Variants in HS6ST3 observed in about 807,000 individuals in gnomAD.
HS6ST3 encodes the protein heparan sulfate 6-O-sulfotransferase 3.
In HS6ST3, 12 loss-of-function variants were observed where a neutral mutation model predicts 36.7. That is an observed-to-expected ratio of 0.33 (90% CI 0.21 to 0.53). HS6ST3 has a LOEUF of 0.53. Ranked by LOEUF, HS6ST3 falls within the 20% of genes least tolerant of loss-of-function variation. The pLI, the probability that HS6ST3 is intolerant of heterozygous loss-of-function variation, is 0.95. For synonymous variants in HS6ST3, 240 were observed against 257.5 expected, an observed-to-expected ratio of 0.93 and a Z score of 0.65; for missense variants, 584 against 640.9, an observed-to-expected ratio of 0.91 and a Z score of 0.96.
intron 1 of HS6ST3, among the ~76,000 whole-genome samples, chr13:96,744,776 T>G (rs1024325733): frequency 2.6e-5 from 4 of 152,116 alleles, no homozygotes; most frequent in African/African-American, 9.7e-5. Context: ...TGACCAGATT[T>G]TCCCATCAAA....
chr13:96,613,887 A>T (rs2056464296), intron 1 of HS6ST3, among the ~76,000 whole-genome samples: 1 of 152,228 alleles, frequency 6.6e-6, no homozygotes, highest in Non-Finnish European at 1.5e-5. Context: ...AATGTTAAGC[A>T]TCTATTGATC....
chr13:96,641,053 T>C (rs1207158379), intron 1 of HS6ST3, among the ~76,000 whole-genome samples: 6 of 151,984 alleles, frequency 3.9e-5, no homozygotes. Context: ...TGGTTCTATA[T>C]GAATTTTAGA....
intron 1 of HS6ST3, among the ~76,000 whole-genome samples, chr13:96,418,598 C>G (rs540694844): frequency 7.2e-5 from 11 of 152,250 alleles, no homozygotes; most frequent in African/African-American, 2.4e-4. Context: ...CTGCCTATAA[C>G]CTGGTAGGTG....
intron 1 of HS6ST3, among the ~76,000 whole-genome samples, chr13:96,643,570 G>C (rs1462918544): frequency 6.6e-6 from 1 of 151,876 alleles, no homozygotes; most frequent in Non-Finnish European, 1.5e-5. Context: ...TTGTGTGTGT[G>C]TGTGCACAAA....
chr13:96,236,512 G>C (rs929512835), intron 1 of HS6ST3, among the ~76,000 whole-genome samples: 3 of 151,940 alleles, frequency 2.0e-5, no homozygotes, highest in African/African-American at 7.3e-5. Context: ...ACTCAGCTTA[G>C]ACTCCATAGT....
intron 1 of HS6ST3, among the ~76,000 whole-genome samples, chr13:96,212,850 A>G (rs2054405600): frequency 6.6e-6 from 1 of 152,172 alleles, no homozygotes; most frequent in South Asian, 2.1e-4. Context: ...CAGACTCTAC[A>G]TGTTCAAATA....
chr13:96,804,021 T>A (rs1163550659), intron 1 of HS6ST3, among the ~76,000 whole-genome samples: 1 of 152,082 alleles, frequency 6.6e-6, no homozygotes, highest in Non-Finnish European at 1.5e-5. Flanking sequence ...TCCTTCTGAC[T>A]CTGGTTGGAC....
chr13:96,276,193 A>G (rs981220427), intron 1 of HS6ST3, among the ~76,000 whole-genome samples: 3 of 152,040 alleles, frequency 2.0e-5, no homozygotes, highest in African/African-American at 4.8e-5. Context: ...TAAATTTACT[A>G]TCCCGCTTGT....
At chr13:96,601,606 G>C (rs1400316638) in intron 1 of HS6ST3, among the ~76,000 whole-genome samples, 1 of 151,998 alleles carries the variant, frequency 6.6e-6, no homozygotes. Flanking sequence ...ACTTTGTCTG[G>C]TATATCAAAG....
intron 1 of HS6ST3, among the ~76,000 whole-genome samples, chr13:96,765,248 A>G (rs1877075707): frequency 6.6e-6 from 1 of 151,140 alleles, no homozygotes; most frequent in South Asian, 2.1e-4. Context: ...AATTTTTTGT[A>G]TTTTTAGTAG....
At chr13:96,188,099 G>A (rs893154106) in intron 1 of HS6ST3, among the ~76,000 whole-genome samples, 3 of 152,094 alleles carry the variant, frequency 2.0e-5, no homozygotes, top group African/African-American at 7.2e-5. Flanking sequence ...CCAGGTCATG[G>A]GAGTGTTGTT....
intron 1 of HS6ST3, among the ~76,000 whole-genome samples, chr13:96,416,959 C>A (rs2055536536): frequency 6.6e-6 from 1 of 152,016 alleles, no homozygotes; most frequent in Admixed American, 6.6e-5. Flanking sequence ...ACCATGTTAG[C>A]CAGGATGGTC....
At chr13:96,252,409 T>G (rs2054611819) in intron 1 of HS6ST3, among the ~76,000 whole-genome samples, 1 of 152,200 alleles carries the variant, frequency 6.6e-6, no homozygotes, top group South Asian at 2.1e-4. Flanking sequence ...CTTCGACCTT[T>G]TCTATGGATT....
chr13:96,792,161 A>G (rs533376395), intron 1 of HS6ST3, among the ~76,000 whole-genome samples: 1 of 152,144 alleles, frequency 6.6e-6, no homozygotes, highest in African/African-American at 2.4e-5. Context: ...CTGGACAAGG[A>G]GATTGTTTTC....
intron 1 of HS6ST3, among the ~76,000 whole-genome samples, chr13:96,371,938 C>T (rs981124924): frequency 6.6e-6 from 1 of 152,136 alleles, no homozygotes; most frequent in Non-Finnish European, 1.5e-5. Context: ...AATAATGCTG[C>T]AGTAAACATG....
intron 1 of HS6ST3, among the ~76,000 whole-genome samples, chr13:96,119,098 CTG>C (rs1397913863): frequency 6.6e-6 from 1 of 152,254 alleles, no homozygotes; most frequent in Non-Finnish European, 1.5e-5. Flanking sequence ...ATGCAAATGA[CTG>C]TGTGTTTAGA....
intron 1 of HS6ST3, among the ~76,000 whole-genome samples, chr13:96,626,855 T>C (rs1594821587): frequency 6.6e-6 from 1 of 152,110 alleles, no homozygotes; most frequent in East Asian, 1.9e-4. Context: ...AAAATACATA[T>C]TGTTACTGGC....
At chr13:96,212,931 A>C (rs2054405905) in intron 1 of HS6ST3, among the ~76,000 whole-genome samples, 1 of 152,352 alleles carries the variant, frequency 6.6e-6, no homozygotes, top group African/African-American at 2.4e-5. Flanking sequence ...TCCAGAACCC[A>C]AAAAGAGAAG....
At chr13:96,799,980 A>ATG (rs1198959810) in intron 1 of HS6ST3, among the ~76,000 whole-genome samples, 2,879 of 74,538 alleles carry the variant, frequency 0.039, 26 homozygotes, top group African/African-American at 0.074. Context: ...ATATATATAT[A>ATG]TGTATATATA....
Sources: allele counts gnomAD v4.1 joint callset (sites outside exome capture counted in the v4.1 genomes callset), GRCh38; gene constraint gnomAD v4.1.1; transcripts MANE v1.5; gene names NCBI Gene and HGNC (gene_info 2026-07-23, HGNC 2026-07-21).